Variants in KIR2DL1 observed in about 807,000 individuals in gnomAD.
The protein encoded by KIR2DL1 is killer cell immunoglobulin like receptor, two Ig domains and long cytoplasmic tail 1, also known as killer cell immunoglobulin-like receptor 2DL1.
Under a neutral mutation model 33.9 loss-of-function variants are expected in KIR2DL1, and 38 were observed. The ratio of observed to expected loss-of-function variants is 1.12; its 90% CI spans 0.86 to 1.47. KIR2DL1 has a LOEUF of 1.47. KIR2DL1 is among the 40% of genes most tolerant of loss of function. The pLI, the probability that KIR2DL1 is intolerant of heterozygous loss-of-function variation, is 0.00. For missense variants in KIR2DL1, 531 were observed against 433.9 expected (o/e 1.22, Z -1.99); for synonymous variants, 179 against 165.9 (o/e 1.08, Z -0.61).
chr19:54,770,789 G>T, intron 1 of KIR2DL1, 60 bp from the exon 2 acceptor site: 1 of 1,565,978 alleles, frequency 6.4e-7, no homozygotes, highest in East Asian at 2.2e-5. Flanking sequence ...CCCAGTGGGG[G>T]CAGCAAGGGT....
At chr19:54,776,880 G>A (rs1439432814) in intron 4 of KIR2DL1, among the ~76,000 whole-genome samples, 2 of 147,614 alleles carry the variant, frequency 1.4e-5, no homozygotes, top group East Asian at 3.9e-4. Context: ...GACCTCAACT[G>A]AGGTGCCCGC....
intron 4 of KIR2DL1, among the ~76,000 whole-genome samples, chr19:54,776,635 T>C (rs1600781698): frequency 2.8e-5 from 1 of 35,682 alleles, no homozygotes; most frequent in Non-Finnish European, 6.5e-5. Context: ...GAAAGTTCTC[T>C]TTTTTTTTTT....
intron 6 of KIR2DL1, 49 bp from the exon 7 acceptor site, chr19:54,783,437 G>A (rs2077274137): frequency 2.5e-6 from 4 of 1,598,918 alleles, no homozygotes; most frequent in South Asian, 1.1e-5. Context: ...ATGAAATGAG[G>A]ACCCAGAAGT....
rs1343705827 is a variant in KIR2DL1 at position 54,784,011 on chromosome 19, G to A, written c.*198G>A. 17 of 891,802 alleles carry A rather than the reference G, an allele frequency of 1.9e-5. No homozygotes were observed. The Admixed American group carries it at 3.0e-4, about 16-fold the overall frequency. The allele number at this position is 891,802 out of a possible 1,614,324, so 55.2% of individuals were successfully genotyped here. The stretch of plus-strand genomic sequence containing the variant: ...ATGTCTAAGGTCCCCACTGCCTGCT[G>A]GAGAAAAAACACACTCCTTTGCTTA... On this transcript the variant is annotated 3_prime_UTR_variant, in exon 8 of 8. Coordinates refer to ENST00000336077, the MANE Select transcript of KIR2DL1 (RefSeq NM_014218.3).
In KIR2DL1 at chr19:54,773,442, GCA is replaced by G; in HGVS notation, c.183_184del (p.His61GlnfsTer6). The G allele has an allele frequency of 1.3e-6, 2 of 1,589,816 alleles. No homozygotes were observed. Among genetic ancestry groups the G allele is most frequent in the Non-Finnish European group, 1.7e-6 (2 of 1,161,282 alleles). On this transcript the variant is annotated frameshift_variant, in exon 3 of 8. Coordinates refer to ENST00000336077, the MANE Select transcript of KIR2DL1 (RefSeq NM_014218.3). LOFTEE classifies it high-confidence loss of function. ...ATGTCATGTTTGAACACTTCCTTCT[GCA>G]CAGAGAGGGGATGTTTAACGACACT... ...SDVMFEHFLL[H>X]REGMFNDTLR...
Position 54,773,340 on chromosome 19 carries a change from C to T in KIR2DL1, c.78C>T (p.His26=), listed in dbSNP as rs751374608. 1.1e-5 allele frequency: 17 copies of T among 1,598,216 alleles called. 2 individuals are homozygous for T. Among genetic ancestry groups the T allele is most frequent in the Non-Finnish European group, 1.4e-5 (16 of 1,170,188 alleles). The part of the protein sequence containing the change: ...LQGAWPHEGV[H]RKPSLLAHPG... ...CACAACCTCTCTTCCTAGGAGTCCA[C>T]AGAAAACCTTCCCTCCTGGCCCACC... The change falls in exon 3 of 8, where the codon CAC becomes CAT. Residue 26 remains histidine (H), a synonymous_variant. Transcript: ENST00000336077.
chr19:54,779,185 G>A (rs79949004), intron 5 of KIR2DL1, among the ~76,000 whole-genome samples: 1 of 132,966 alleles, frequency 7.5e-6, no homozygotes, highest in Non-Finnish European at 1.7e-5. Flanking sequence ...AGGCTGTGCA[G>A]TGTGGAACCT....
rs201174030 is a variant in KIR2DL1 at position 54,783,544 on chromosome 19, T to C, written c.870+6T>C. On this transcript the variant is annotated splice_donor_region_variant and intron_variant, in intron 7 of 7. Coordinates refer to ENST00000336077, the MANE Select transcript of KIR2DL1 (RefSeq NM_014218.3). Reference sequence around the variant, plus strand: ...ACAGAACAGCGAATAGCGAGGTAGGTACTCCTCGGCCCGGGCTCGTGGCTA... The same window carrying C: ...ACAGAACAGCGAATAGCGAGGTAGGCACTCCTCGGCCCGGGCTCGTGGCTA... 1.2e-3 allele frequency: 1,931 copies of C among 1,613,776 alleles called. 10 individuals carry two copies. Among genetic ancestry groups the C allele is most frequent in the Non-Finnish European group, 1.5e-3 (1,783 of 1,179,876 alleles).
chr19:54,779,724 G>C (rs2076747042), intron 5 of KIR2DL1, among the ~76,000 whole-genome samples: 1 of 149,300 alleles, frequency 6.7e-6, no homozygotes, highest in African/African-American at 2.4e-5. Flanking sequence ...GGACATTTTG[G>C]GGTGGGACAG....
rs1377026649 is a variant in KIR2DL1, at chr19:54,779,630, T to G, written c.715+968T>G. On this transcript the variant is annotated intron_variant, in intron 5 of 7. Transcript: ENST00000336077. ...ATACCCTTGTTTTAAGTTCAGCTGA[T>G]TAGCAACCATAATTCCATCTGCAAT... Among the ~76,000 whole-genome samples, 6 of 146,690 alleles carry G rather than the reference T, an allele frequency of 4.1e-5. 2 individuals carry two copies. Among genetic ancestry groups the G allele is most frequent in the African/African-American group, 1.5e-4 (6 of 40,100 alleles).
intron 4 of KIR2DL1, among the ~76,000 whole-genome samples, chr19:54,776,142 A>T (rs112617339): frequency 0.12 from 14,128 of 114,684 alleles, 1,063 homozygotes; most frequent in South Asian, 0.21. Context: ...CACCCGCATC[A>T]GCCTCCCAAA....
Position 54,782,959 on chromosome 19 carries a change from A to T in KIR2DL1, c.753A>T (p.Ser251=), listed in dbSNP as rs1427269031. 9 of 1,613,564 alleles carry T rather than the reference A, an allele frequency of 5.6e-6. No individual in the cohort carries two copies. The highest frequency in any genetic ancestry group is 1.3e-5 in the African/African-American group (1 of 74,852). The stretch of plus-strand genomic sequence containing the variant: ...ACCTGCACATTCTGATTGGGACCTC[A>T]GTGGTCATCATCCTCTTCATCCTCC... ...PRHLHILIGT[S]VVIILFILLF... is the part of the protein sequence containing the mutation. Residue 251 remains serine, a synonymous_variant, in exon 6 of 8, where the codon TCA becomes TCT. Transcript: ENST00000336077.
Position 54,783,799 on chromosome 19 carries a change from G to C in KIR2DL1, c.1033G>C (p.Val345Leu), listed in dbSNP as rs1479644096. The C allele has an allele frequency of 3.0e-5, 49 of 1,613,984 alleles. 1 individual carries two copies. The East Asian group carries it at 6.2e-4, about 21-fold the overall frequency. The change falls in exon 8 of 8, where the codon GTC becomes CTC. Residue 345 changes from valine to leucine, a missense_variant. Transcript: ENST00000336077. The part of the protein sequence containing the change: ...LPNAESRSKV[V>L]SCP ...AAATGCTGAGTCCAGATCCAAAGTT[G>C]TCTCCTGCCCATGAGCACCACAGTC...
In KIR2DL1 at chr19:54,770,729, G is replaced by A; in HGVS notation, c.35-120G>A. 2.2e-6 allele frequency: 3 copies of A among 1,386,278 alleles called. No individual in the cohort carries two copies. In the South Asian group the frequency reaches 3.4e-5, roughly 16 times the overall value. 85.9% of individuals were successfully genotyped at this position (1,386,278 alleles called of 1,614,324 possible). On this transcript the variant is annotated intron_variant, in intron 1 of 7. Coordinates refer to ENST00000336077, the MANE Select transcript of KIR2DL1 (RefSeq NM_014218.3). ...GTTCTTGGGTGCAGGTAGGCACTGAGGGTGAGTTTACCTTCAGCCCAGGAA... is the reference window on the plus strand; with the variant it reads ...GTTCTTGGGTGCAGGTAGGCACTGAAGGTGAGTTTACCTTCAGCCCAGGAA...
Position 54,770,761 on chromosome 19 carries a change from G to A in KIR2DL1, c.35-88G>A, listed in dbSNP as rs1600688496. 25 of 1,520,694 alleles carry A rather than the reference G, an allele frequency of 1.6e-5. 1 individual carries two copies. The East Asian group carries it at 2.3e-4, about 14-fold the overall frequency. The allele number at this position is 1,520,694 out of a possible 1,614,324, so 94.2% of individuals were successfully genotyped here. A position where few individuals can be genotyped will look rare whatever the true frequency, so the allele number is the denominator to read the frequency against. The stretch of plus-strand genomic sequence containing the variant: ...TTTACCTTCAGCCCAGGAAGGGCCT[G>A]GCTACCAAGACTCACAGCCCAGTGG... On this transcript the variant is annotated intron_variant, in intron 1 of 7. Transcript: ENST00000336077.
At chr19:54,778,456 G>A (rs2076596013) in intron 4 of KIR2DL1, among the ~76,000 whole-genome samples, 156 bp from the exon 5 acceptor site, 2 of 145,406 alleles carry the variant, frequency 1.4e-5, no homozygotes, top group African/African-American at 5.0e-5. Context: ...AAGACAGTGG[G>A]TGTCATATAA....
intron 5 of KIR2DL1, among the ~76,000 whole-genome samples, 173 bp downstream of exon 5, chr19:54,778,835 G>C (rs1167664725): frequency 6.7e-6 from 1 of 148,404 alleles, no homozygotes; most frequent in Non-Finnish European, 1.5e-5. Context: ...ACAGGGCTCA[G>C]TGAAATCTCT....
intron 4 of KIR2DL1, among the ~76,000 whole-genome samples, 184 bp from the exon 5 acceptor site, chr19:54,778,428 T>C (rs1357221243): frequency 6.8e-6 from 1 of 147,204 alleles, no homozygotes; most frequent in Non-Finnish European, 1.5e-5. Context: ...CTGTTTTCTC[T>C]TTATATCTTG....
At chr19:54,774,394 A>G (rs112488525) in intron 3 of KIR2DL1, among the ~76,000 whole-genome samples, 20,006 of 146,342 alleles carry the variant, frequency 0.14, 1,629 homozygotes, top group South Asian at 0.22. Flanking sequence ...AAGCACTAAA[A>G]TTAGACTCCT....
Sources: allele counts gnomAD v4.1 joint callset (sites outside exome capture counted in the v4.1 genomes callset), GRCh38; gene constraint gnomAD v4.1.1; transcripts MANE v1.5; gene names NCBI Gene and HGNC (gene_info 2026-07-23, HGNC 2026-07-21).